CTBP2: variants seen among roughly 807,000 people sequenced by gnomAD.
CTBP2 encodes C-terminal binding protein 2, also known as C-terminal-binding protein 2.
Under a neutral mutation model 80.3 loss-of-function variants are expected in CTBP2, and 30 were observed. That is an observed-to-expected ratio of 0.37 (90% CI 0.28 to 0.51). CTBP2 has a LOEUF of 0.51. Among genes scored for constraint, CTBP2 ranks in the 20% least tolerant of loss-of-function variants. The pLI is 0.93. For missense variants in CTBP2, 1,212 were observed against 1,375.3 expected (o/e 0.88, Z 1.88); for synonymous variants, 594 against 587.4 (o/e 1.01, Z -0.16).
At chr10:125,051,261 C>T (rs1334365025) in intron 2 of CTBP2, among the ~76,000 whole-genome samples, 4 of 152,190 alleles carry the variant, frequency 2.6e-5, no homozygotes, top group Admixed American at 2.0e-4. Flanking sequence ...TCCCTGGAGG[C>T]CCACTCCTCA....
At chr10:125,028,915 TTAGA>T (rs1285358564), upstream of CTBP2, among the ~76,000 whole-genome samples, 1 of 152,186 alleles carries the variant, frequency 6.6e-6, no homozygotes, top group Admixed American at 6.5e-5. Context: ...CAGCAGTTAT[TTAGA>T]TAAAGGAGTG....
intron 2 of CTBP2, among the ~76,000 whole-genome samples, chr10:125,048,701 A>G (rs1187916658): frequency 6.6e-6 from 1 of 152,182 alleles, no homozygotes; most frequent in Non-Finnish European, 1.5e-5. Context: ...GACAGCAACC[A>G]GTTAGTGTTG....
At chr10:124,998,568 G>A in intron 3 of CTBP2, 1 of 273,224 alleles carries the variant, frequency 3.7e-6, no homozygotes, top group Non-Finnish European at 7.0e-6. Context: ...AACCCCTCAG[G>A]GTCTCCCTCA....
chr10:125,124,221 C>T (rs1854828118), intron 1 of CTBP2, among the ~76,000 whole-genome samples: 1 of 152,188 alleles, frequency 6.6e-6, no homozygotes. Flanking sequence ...AAATGCCACA[C>T]CAGCCTTTTG....
intron 6 of CTBP2, 143 bp from the exon 9 acceptor site, chr10:124,993,472 T>C (rs74831105): frequency 0.016 from 16,286 of 1,031,380 alleles, 177 homozygotes; most frequent in Non-Finnish European, 0.02. Flanking sequence ...TGATATTTTA[T>C]GAAGGCTGGG....
chr10:125,161,790 C>G (rs1369955129), upstream of CTBP2, among the ~76,000 whole-genome samples: 1 of 152,002 alleles, frequency 6.6e-6, no homozygotes, highest in Non-Finnish European at 1.5e-5. Context: ...TGGGTCGGAG[C>G]CCCGGGTCTC....
At chr10:125,037,088 T>C (rs1958983479) in intron 3 of CTBP2, among the ~76,000 whole-genome samples, 2 of 152,336 alleles carry the variant, frequency 1.3e-5, no homozygotes, top group Non-Finnish European at 1.5e-5. Flanking sequence ...ACTGCAAATG[T>C]ATCTGGAACA....
chr10:125,107,877 G>A (rs961059552), intron 2 of CTBP2, among the ~76,000 whole-genome samples: 6 of 152,124 alleles, frequency 3.9e-5, no homozygotes, highest in African/African-American at 1.4e-4. Context: ...ACCATTTTAC[G>A]TAATATAATA....
At position 125,141,198 on chromosome 10, in the gene CTBP2, T is replaced by C. The variant is rs140284898; in HGVS notation, c.-206+19121A>G. 9.3e-4 allele frequency among the ~76,000 whole-genome samples: 142 copies of C among 151,918 alleles called. 2 individuals carry two copies. The East Asian group carries it at 0.024, about 26-fold the overall frequency. ...CAAAAACCATGAGGCAATGAGTCAG[T>C]TGCAGCTTATATCCCAGAGTGCAAT... On this transcript the variant is annotated intron_variant, in intron 1 of 10. Transcript: ENST00000337195.
chr10:125,026,440 G>A lies in CTBP2; in HGVS notation c.1320C>T (p.Ser440=). The A allele has an allele frequency of 6.2e-7, 1 of 1,601,516 alleles. No homozygotes were observed. ...CTGTCAGGGCGCAAGGGGTGGGAGA[G>A]CTGTACCCGGAGTTGGAGGGGAAGT... The change falls in exon 1 of 9, where the codon AGC becomes AGT. Residue 440 remains serine, a synonymous_variant. Coordinates refer to ENST00000309035, the MANE Select transcript of CTBP2 (RefSeq NM_022802.3).
chr10:125,105,679 T>TA (rs1564930819), intron 2 of CTBP2, among the ~76,000 whole-genome samples: 4 of 151,976 alleles, frequency 2.6e-5, no homozygotes, highest in African/African-American at 7.3e-5. Flanking sequence ...AGACATTTTT[T>TA]TAAAAAAAAA....
chr10:124,993,734 C>T, intron 6 of CTBP2, 121 bp downstream of exon 8: 1 of 1,214,970 alleles, frequency 8.2e-7, no homozygotes, highest in Non-Finnish European at 1.2e-6. Flanking sequence ...CTGTAAATGT[C>T]ATCTCTGGAG....
At chr10:124,991,266 C>T (rs1233182207) in intron 8 of CTBP2, among the ~76,000 whole-genome samples, 4 of 152,252 alleles carry the variant, frequency 2.6e-5, no homozygotes, top group Non-Finnish European at 5.9e-5. Context: ...CCCCCAGCTC[C>T]TGGCCTGCCA....
At chr10:125,120,863 A>C (rs1854206347) in intron 1 of CTBP2, among the ~76,000 whole-genome samples, 1 of 152,200 alleles carries the variant, frequency 6.6e-6, no homozygotes, top group Non-Finnish European at 1.5e-5. Flanking sequence ...CTATTGATCA[A>C]TGGACTACAT....
At chr10:125,058,703 C>T (rs564813715) in intron 2 of CTBP2, among the ~76,000 whole-genome samples, 6 of 151,894 alleles carry the variant, frequency 4.0e-5, no homozygotes, top group East Asian at 1.9e-4. Context: ...GAGACTAGCC[C>T]GGCCAACATG....
chr10:125,161,347 C>T (rs1292805531), upstream of CTBP2, among the ~76,000 whole-genome samples: 3 of 151,972 alleles, frequency 2.0e-5, no homozygotes, highest in African/African-American at 7.2e-5. Flanking sequence ...TCCGCTGCTC[C>T]CCTGGCCCTT....
chr10:125,141,903 G>A (rs1462427987), intron 1 of CTBP2, among the ~76,000 whole-genome samples: 1 of 152,160 alleles, frequency 6.6e-6, no homozygotes, highest in Non-Finnish European at 1.5e-5. Flanking sequence ...AGGAGAAAGC[G>A]GCCCTGGCCT....
intron 1 of CTBP2, among the ~76,000 whole-genome samples, chr10:125,125,399 A>C (rs1006991684): frequency 6.6e-6 from 1 of 152,220 alleles, no homozygotes; most frequent in African/African-American, 2.4e-5. Context: ...TCTCAACTTT[A>C]GGAAAGCAAA....
intron 2 of CTBP2, among the ~76,000 whole-genome samples, chr10:125,072,658 G>C (rs968469685): frequency 1.7e-5 from 2 of 120,470 alleles, no homozygotes; most frequent in Non-Finnish European, 3.6e-5. Flanking sequence ...AAAAAAAAAA[G>C]GAAACTGACA....
Sources: gnomAD v4.1 joint callset for allele counts (sites outside exome capture counted in the v4.1 genomes callset) on GRCh38, gnomAD v4.1.1 for gene constraint, MANE v1.5 for transcripts, NCBI Gene and HGNC (gene_info 2026-07-23, HGNC 2026-07-21) for gene names.